Variants in COL28A1 observed in about 807,000 individuals in gnomAD.
The protein encoded by COL28A1 is collagen type XXVIII alpha 1 chain.
In COL28A1, 161 loss-of-function variants were observed where a neutral mutation model predicts 150.2. The observed-to-expected ratio is 1.07, with a 90% CI of 0.94 to 1.22. The LOEUF is 1.22. Ranked by LOEUF, COL28A1 falls within the 50% of genes most tolerant of loss-of-function variation. COL28A1 has a pLI of 0.00. For missense variants in COL28A1, 1,617 were observed against 1,388.3 expected (o/e 1.16, Z -2.62); for synonymous variants, 552 against 469.7 (o/e 1.18, Z -2.26).
At chr7:7,461,080 G>T (rs969833575) in intron 15 of COL28A1, among the ~76,000 whole-genome samples, 4 of 152,216 alleles carry the variant, frequency 2.6e-5, no homozygotes, top group Admixed American at 1.3e-4. Flanking sequence ...CCCAAATATT[G>T]TGAGTGCCCA....
upstream of COL28A1, among the ~76,000 whole-genome samples, chr7:7,536,721 G>A (rs138357088): frequency 1.0e-3 from 152 of 152,214 alleles, 1 homozygote; most frequent in African/African-American, 3.3e-3. Flanking sequence ...TGCATGTTAC[G>A]GTTATTTAAA....
At chr7:7,392,486 T>C (rs143998755) in intron 27 of COL28A1, among the ~76,000 whole-genome samples, 4,573 of 152,220 alleles carry the variant, frequency 0.03, 240 homozygotes, top group African/African-American at 0.1. Flanking sequence ...ATCTTTGTGG[T>C]GGTCTCTGTA....
chr7:7,424,589 G>A (rs920494335), intron 25 of COL28A1, among the ~76,000 whole-genome samples: 4 of 152,114 alleles, frequency 2.6e-5, no homozygotes, highest in African/African-American at 9.7e-5. Flanking sequence ...AGCCTGCAGA[G>A]GGAGCCCTTG....
intron 33 of COL28A1, among the ~76,000 whole-genome samples, chr7:7,366,330 T>C (rs762704788): frequency 6.6e-6 from 1 of 152,108 alleles, no homozygotes; most frequent in African/African-American, 2.4e-5. Context: ...ATTTCAGAAA[T>C]AATAAAATCG....
intron 27 of COL28A1, among the ~76,000 whole-genome samples, chr7:7,394,788 T>C (rs1440558038): frequency 6.6e-6 from 1 of 152,230 alleles, no homozygotes; most frequent in South Asian, 2.1e-4. Flanking sequence ...CTGTTTGAGT[T>C]CATGCCTTCC....
chr7:7,396,857 G>C (rs1042592758), intron 27 of COL28A1, among the ~76,000 whole-genome samples: 4 of 152,166 alleles, frequency 2.6e-5, no homozygotes, highest in Non-Finnish European at 5.9e-5. Flanking sequence ...TTTTGAGTCT[G>C]TTCCTAAAAA....
At chr7:7,503,410 T>C (rs1780640807) in intron 11 of COL28A1, among the ~76,000 whole-genome samples, 1 of 152,222 alleles carries the variant, frequency 6.6e-6, no homozygotes, top group South Asian at 2.1e-4. Context: ...TGTACAAGTT[T>C]CAAAATAAAT....
At chr7:7,489,789 C>G (rs996416840) in intron 12 of COL28A1, among the ~76,000 whole-genome samples, 1 of 152,146 alleles carries the variant, frequency 6.6e-6, no homozygotes, top group Admixed American at 6.6e-5. Flanking sequence ...GTGCCCTGCC[C>G]TCTTGCCACC....
chr7:7,410,174 C>G (rs1369398874), intron 27 of COL28A1, among the ~76,000 whole-genome samples: 1 of 152,054 alleles, frequency 6.6e-6, no homozygotes, highest in Non-Finnish European at 1.5e-5. Flanking sequence ...GCAAATGTGC[C>G]CTGATGTGTA....
intron 32 of COL28A1, among the ~76,000 whole-genome samples, chr7:7,372,442 T>A (rs56379241): frequency 0.02 from 2,914 of 143,892 alleles, 110 homozygotes; most frequent in African/African-American, 0.08. Flanking sequence ...AATAAATAAA[T>A]GGTTGTTCTT....
At chr7:7,345,676 C>T in the COL28A1 span, among the ~76,000 whole-genome samples, 1 of 151,938 alleles carries the variant, frequency 6.6e-6, no homozygotes, top group Non-Finnish European at 1.5e-5. Flanking sequence ...AAATGTCTTC[C>T]AGTCTCCATT....
At chr7:7,407,361 C>G (rs1215012164) in intron 27 of COL28A1, among the ~76,000 whole-genome samples, 1 of 151,664 alleles carries the variant, frequency 6.6e-6, no homozygotes, top group East Asian at 1.9e-4. Context: ...GAATCTTAAA[C>G]AAGATAAATA....
chr7:7,455,270 C>T (rs1301629900), intron 16 of COL28A1, among the ~76,000 whole-genome samples: 2 of 152,156 alleles, frequency 1.3e-5, no homozygotes, highest in African/African-American at 4.8e-5. Context: ...TTGTGGGTTG[C>T]TTTGATTAAT....
At chr7:7,385,843 G>C (rs1366508059) in intron 27 of COL28A1, among the ~76,000 whole-genome samples, 1 of 152,112 alleles carries the variant, frequency 6.6e-6, no homozygotes, top group Non-Finnish European at 1.5e-5. Flanking sequence ...TTAATCACTA[G>C]TTTCCCTTCA....
chr7:7,506,055 G>T lies in COL28A1; in HGVS notation c.985C>A (p.Pro329Thr). ...GPRGIQGITG[P>T]PGDPGPKGFQ... ...CCCTTTGGGCCTGGGTCTCCTGGAGGTCCAGTAATTCCCTGCTCCAGGATG... is the reference window on the plus strand; with the variant it reads ...CCCTTTGGGCCTGGGTCTCCTGGAGTTCCAGTAATTCCCTGCTCCAGGATG... Residue 329 changes from proline (P) to threonine (T), a missense_variant, in exon 11 of 35, where the codon CCT becomes ACT. Physicochemically the swap from Pro to Thr is conservative, Grantham distance 38 (BLOSUM62 -1). Coordinates refer to ENST00000399429, the MANE Select transcript of COL28A1 (RefSeq NM_001037763.3). 3 of 1,434,940 alleles carry T rather than the reference G, an allele frequency of 2.1e-6. No homozygotes were observed. Among genetic ancestry groups the T allele is most frequent in the Non-Finnish European group, 2.0e-6 (2 of 1,016,608 alleles). 88.9% of individuals were successfully genotyped at this position (1,434,940 alleles called of 1,614,324 possible).
At chr7:7,403,971 G>T (rs17167312) in intron 27 of COL28A1, among the ~76,000 whole-genome samples, 15,424 of 152,098 alleles carry the variant, frequency 0.1, 961 homozygotes, top group Middle Eastern at 0.22. Context: ...AATGCCATTT[G>T]TAATTGCCTG....
chr7:7,486,723 T>C (rs1002690607), intron 13 of COL28A1, among the ~76,000 whole-genome samples: 4 of 152,220 alleles, frequency 2.6e-5, no homozygotes, highest in Non-Finnish European at 4.4e-5. Context: ...CTTTAGCCTA[T>C]TAATATGGTG....
At chr7:7,465,030 A>G (rs1007621505) in intron 15 of COL28A1, among the ~76,000 whole-genome samples, 2 of 152,198 alleles carry the variant, frequency 1.3e-5, no homozygotes, top group African/African-American at 4.8e-5. Flanking sequence ...TACTATGAAC[A>G]CCTTTATGCG....
At chr7:7,368,288 G>T (rs879433808) in intron 33 of COL28A1, among the ~76,000 whole-genome samples, 1 of 151,944 alleles carries the variant, frequency 6.6e-6, no homozygotes, top group South Asian at 2.1e-4. Context: ...TCCAGCTTTA[G>T]CTCTCATCAC....
Sources: allele counts gnomAD v4.1 joint callset (sites outside exome capture counted in the v4.1 genomes callset), GRCh38; gene constraint gnomAD v4.1.1; transcripts MANE v1.5; gene names NCBI Gene and HGNC (gene_info 2026-07-23, HGNC 2026-07-21).